MYO18B: variants seen among roughly 807,000 people sequenced by gnomAD.
MYO18B encodes the protein unconventional myosin-XVIIIb.
MYO18B carries 204 observed loss-of-function variants against 273.0 expected under a neutral mutation model. The observed-to-expected ratio is 0.75, with a 90% CI of 0.67 to 0.84. MYO18B has a LOEUF of 0.84. Among genes scored for constraint, MYO18B ranks in the 40% least tolerant of loss-of-function variants. MYO18B has a pLI of 0.00. For synonymous variants in MYO18B, 1,330 were observed against 1,305.7 expected, an observed-to-expected ratio of 1.02 and a Z score of -0.40; for missense variants, 3,212 against 3,287.6, an observed-to-expected ratio of 0.98 and a Z score of 0.56.
chr22:25,896,615 A>G (rs2091808572), intron 28 of MYO18B: 1 of 152,102 alleles, frequency 6.6e-6, no homozygotes, highest in Non-Finnish European at 1.5e-5. Flanking sequence ...TCTATATATA[A>G]TATATTTTTA....
At chr22:25,753,229 G>C (rs1350328939) in intron 1 of MYO18B, among the ~76,000 whole-genome samples, 1 of 152,148 alleles carries the variant, frequency 6.6e-6, no homozygotes, top group Non-Finnish European at 1.5e-5. Context: ...CGGTCGGCAG[G>C]GGCGGGTGTG....
chr22:25,745,808 C>T (rs1357479951), intron 1 of MYO18B, among the ~76,000 whole-genome samples: 1 of 152,188 alleles, frequency 6.6e-6, no homozygotes, highest in Non-Finnish European at 1.5e-5. Flanking sequence ...AATGCATTTT[C>T]AGCTGTTTCT....
At chr22:26,011,864 TTGTA>T (rs1341477424) in intron 42 of MYO18B, among the ~76,000 whole-genome samples, 1 of 152,238 alleles carries the variant, frequency 6.6e-6, no homozygotes, top group Non-Finnish European at 1.5e-5. Flanking sequence ...CTAATTACTG[TTGTA>T]TGTATCATTT....
intron 42 of MYO18B, among the ~76,000 whole-genome samples, chr22:26,019,091 G>T (rs188244660): frequency 2.0e-5 from 3 of 152,200 alleles, no homozygotes; most frequent in East Asian, 1.9e-4. Flanking sequence ...CTTCTCCATG[G>T]TTTTTTTCCA....
intron 15 of MYO18B, 143 bp downstream of exon 15, chr22:25,829,111 C>T (rs2089606998): frequency 4.2e-6 from 4 of 946,018 alleles, no homozygotes; most frequent in Non-Finnish European, 6.2e-6. Flanking sequence ...TTTCCCCAGG[C>T]CTGGCTCCCC....
At chr22:25,793,877 G>A (rs755433002) in intron 11 of MYO18B, among the ~76,000 whole-genome samples, 2 of 152,112 alleles carry the variant, frequency 1.3e-5, no homozygotes, top group Non-Finnish European at 1.5e-5. Flanking sequence ...AGTGTATAAC[G>A]TATACTAATT....
intron 20 of MYO18B, among the ~76,000 whole-genome samples, chr22:25,849,056 T>C (rs1439500746): frequency 6.6e-6 from 1 of 152,228 alleles, no homozygotes; most frequent in Non-Finnish European, 1.5e-5. Context: ...AGACAGATAA[T>C]GTCACAAGAG....
At chr22:25,938,162 G>GC (rs953527796) in intron 34 of MYO18B, among the ~76,000 whole-genome samples, 10 of 152,040 alleles carry the variant, frequency 6.6e-5, no homozygotes, top group African/African-American at 9.7e-5. Flanking sequence ...TAACCATTCT[G>GC]CCCAAAGACT....
At chr22:25,810,950 G>T in intron 12 of MYO18B, among the ~76,000 whole-genome samples, 1 of 151,920 alleles carries the variant, frequency 6.6e-6, no homozygotes, top group East Asian at 1.9e-4. Context: ...TCATATATCC[G>T]TTGTTAGTAT....
At position 25,950,371 on chromosome 22, in the gene MYO18B, C is replaced by G. The variant is rs1419115114; in HGVS notation, c.5753C>G (p.Ala1918Gly). The change falls in exon 37 of 44, where the codon GCT becomes GGT. Residue 1918 changes from alanine to glycine, a missense_variant. Ala to Gly is a moderately conservative substitution (Grantham distance 60, BLOSUM62 0). Transcript: ENST00000335473. ...TTTTTTTTTTTGTCTCACCAGTCTGCTGCTGACATTGGGCAGATCCAAGAA... is the reference window on the plus strand; with the variant it reads ...TTTTTTTTTTTGTCTCACCAGTCTGGTGCTGACATTGGGCAGATCCAAGAA... ...QKHKDLIAQS[A>G]ADIGQIQELQ... 6.3e-7 allele frequency: 1 copy of G among 1,598,312 alleles called. No individual in the cohort carries two copies.
chr22:25,817,877 A>C (rs1183082164), intron 12 of MYO18B, among the ~76,000 whole-genome samples: 1 of 152,110 alleles, frequency 6.6e-6, no homozygotes, highest in Non-Finnish European at 1.5e-5. Flanking sequence ...TACAAGGTGC[A>C]CCTTTGGGGA....
At chr22:25,946,466 G>C (rs114722351) in intron 35 of MYO18B, among the ~76,000 whole-genome samples, 79 of 152,224 alleles carry the variant, frequency 5.2e-4, no homozygotes, top group African/African-American at 1.7e-3. Context: ...CCTACTAGGT[G>C]CTCAGCGTTC....
chr22:26,042,925 G>T, the MYO18B span, among the ~76,000 whole-genome samples: 1 of 152,148 alleles, frequency 6.6e-6, no homozygotes, highest in African/African-American at 2.4e-5. Flanking sequence ...TAATTTTTTT[G>T]TTGAGATCTA....
At chr22:25,947,239 A>C (rs1386338770) in intron 35 of MYO18B, among the ~76,000 whole-genome samples, 2 of 151,986 alleles carry the variant, frequency 1.3e-5, no homozygotes, top group Non-Finnish European at 2.9e-5. Context: ...CTGTGCCTCC[A>C]AGTTTATTCA....
chr22:25,937,239 C>T (rs1355963621), intron 34 of MYO18B, among the ~76,000 whole-genome samples: 1 of 151,848 alleles, frequency 6.6e-6, no homozygotes, highest in Non-Finnish European at 1.5e-5. Context: ...TGTGCACCAC[C>T]ATGCCCGGCT....
intron 31 of MYO18B, among the ~76,000 whole-genome samples, chr22:25,906,443 C>G (rs1284845856): frequency 1.3e-5 from 2 of 152,158 alleles, no homozygotes; most frequent in African/African-American, 4.8e-5. Context: ...CGTACACTAT[C>G]CTTTTGCTCC....
chr22:25,898,751 G>A (rs1025322753), intron 29 of MYO18B: 1 of 358,280 alleles, frequency 2.8e-6, no homozygotes, highest in African/African-American at 2.1e-5. Flanking sequence ...TCGAGTGAAG[G>A]GTTTGTTGCA....
At chr22:25,751,389 CT>C (rs2085926905) in intron 1 of MYO18B, among the ~76,000 whole-genome samples, 3 of 152,360 alleles carry the variant, frequency 2.0e-5, no homozygotes, top group Admixed American at 2.0e-4. Flanking sequence ...CCAGTGCCCC[CT>C]GCACACTCTG....
At position 25,828,616 on chromosome 22, in the gene MYO18B, G is replaced by T. The variant is rs180927835; in HGVS notation, c.2787-160G>T. ...TCACCCCCATCCTCATTTAACAGTT[G>T]GGGAAACCCCTGCTCAGAGAGGTTA... On this transcript the variant is annotated intron_variant, in intron 14 of 43. Transcript: ENST00000335473. Among the ~76,000 whole-genome samples, 30 of 151,842 alleles carry T rather than the reference G, an allele frequency of 2.0e-4. 1 individual carries two copies. Among genetic ancestry groups the T allele is most frequent in the African/African-American group, 7.0e-4 (29 of 41,410 alleles).
Sources: gnomAD v4.1 joint callset for allele counts (sites outside exome capture counted in the v4.1 genomes callset) on GRCh38, gnomAD v4.1.1 for gene constraint, MANE v1.5 for transcripts, NCBI Gene and HGNC (gene_info 2026-07-23, HGNC 2026-07-21) for gene names.